Variants in DNAJB12 observed in about 807,000 individuals in gnomAD.
The protein encoded by DNAJB12 is dnaJ homolog subfamily B member 12.
A neutral mutation model predicts 40.6 loss-of-function variants in DNAJB12; 14 were observed. The observed-to-expected ratio is 0.34, with a 90% CI of 0.23 to 0.54. The LOEUF (loss-of-function observed/expected upper bound fraction) is 0.54. DNAJB12 is among the 20% of genes least tolerant of loss of function. The pLI is 0.92. For synonymous variants in DNAJB12, 181 were observed against 199.5 expected, an observed-to-expected ratio of 0.91 and a Z score of 0.78; for missense variants, 444 against 501.7, an observed-to-expected ratio of 0.89 and a Z score of 1.10.
At chr10:72,352,091 C>T (rs988812260) in intron 1 of DNAJB12, among the ~76,000 whole-genome samples, 7 of 152,232 alleles carry the variant, frequency 4.6e-5, no homozygotes, top group Non-Finnish European at 1.0e-4. Context: ...CTCCTATTGG[C>T]TTCCTGCCCT....
rs550063607 is a variant in DNAJB12, at chr10:72,345,012, G to A, written c.249C>T (p.Asn83=). 1.1e-5 allele frequency: 17 copies of A among 1,614,204 alleles called. No homozygotes were observed. The highest frequency in any genetic ancestry group is 2.2e-5 in the East Asian group (1 of 44,880). Residue 83 remains asparagine (N), a synonymous_variant, in exon 2 of 9, where the codon AAC becomes AAT. Coordinates refer to ENST00000444643, the MANE Select transcript of DNAJB12 (RefSeq NM_017626.7). ...TGGTGCTCTCTCCTCCAGCTTCACC[G>A]TTGGCCGAGGGGGCATCGGTCCCAC... The part of the protein sequence containing the change: ...KAGGTDAPSA[N]GEAGGESTKG...
intron 1 of DNAJB12, among the ~76,000 whole-genome samples, chr10:72,350,457 G>A (rs1861908137): frequency 6.8e-6 from 1 of 147,610 alleles, no homozygotes; most frequent in African/African-American, 2.5e-5. Flanking sequence ...ACCTAGCTCT[G>A]CCATTTGCTA....
intron 7 of DNAJB12, 137 bp downstream of exon 7, chr10:72,336,387 G>T: frequency 1.1e-6 from 1 of 915,440 alleles, no homozygotes. Context: ...TCTTGTCTGG[G>T]AGGTGGCTGG....
At chr10:72,353,782 G>A (rs1005648457) in intron 1 of DNAJB12, 2 of 152,200 alleles carry the variant, frequency 1.3e-5, no homozygotes, top group Non-Finnish European at 1.5e-5. Flanking sequence ...TCCCGAGGAG[G>A]AAACCCAAGC....
intron 5 of DNAJB12, among the ~76,000 whole-genome samples, chr10:72,339,318 G>T (rs910184853): frequency 6.6e-6 from 1 of 150,944 alleles, no homozygotes; most frequent in African/African-American, 2.4e-5. Flanking sequence ...GGCAGATCAC[G>T]AGGTCAGGAG....
Position 72,335,025 on chromosome 10 carries a change from C to G in DNAJB12, c.*31-408G>C, listed in dbSNP as rs1013917677. ...AGCAACTCTCATTTCCCCTCCACCCCTCCTGTGCTGAGCGGCTGCGTCTGA... is the reference window on the plus strand; with the variant it reads ...AGCAACTCTCATTTCCCCTCCACCCGTCCTGTGCTGAGCGGCTGCGTCTGA... On this transcript the variant is annotated intron_variant, in intron 8 of 8. Coordinates refer to ENST00000444643, the MANE Select transcript of DNAJB12 (RefSeq NM_017626.7). The surrounding 1 kb of genome is among the most constrained non-coding windows in gnomAD (Gnocchi z 4.4). 31 of 1,045,758 alleles carry G rather than the reference C, an allele frequency of 3.0e-5. No homozygotes were observed. Among genetic ancestry groups the G allele is most frequent in the Non-Finnish European group, 3.5e-5 (30 of 868,616 alleles). 64.8% of individuals were successfully genotyped at this position (1,045,758 alleles called of 1,614,324 possible).
chr10:72,336,755 G>T, intron 6 of DNAJB12, 59 bp from the exon 7 acceptor site: 7 of 1,499,556 alleles, frequency 4.7e-6, no homozygotes, highest in Non-Finnish European at 6.4e-6. Flanking sequence ...GGCACTCTAG[G>T]GGTATGGGCC....
intron 1 of DNAJB12, among the ~76,000 whole-genome samples, chr10:72,350,880 A>T (rs1861918635): frequency 6.6e-6 from 1 of 152,200 alleles, no homozygotes; most frequent in African/African-American, 2.4e-5. Context: ...ACTGACTTGA[A>T]GGGTACAACC....
At chr10:72,338,557 C>T (rs1187837561) in intron 5 of DNAJB12, among the ~76,000 whole-genome samples, 8 of 121,668 alleles carry the variant, frequency 6.6e-5, no homozygotes, top group African/African-American at 2.3e-4. Context: ...GACAGAATGC[C>T]AAAAAAAAAA....
chr10:72,339,103 A>C (rs994340385), intron 5 of DNAJB12, among the ~76,000 whole-genome samples: 2 of 149,676 alleles, frequency 1.3e-5, no homozygotes, highest in African/African-American at 5.1e-5. Context: ...CTATCTCTAC[A>C]AAAAATACAA....
In DNAJB12 at chr10:72,338,258, C is replaced by A; in HGVS notation, c.777G>T (p.Val259=). 6.2e-7 allele frequency: 1 copy of A among 1,614,046 alleles called. No individual in the cohort carries two copies. The highest frequency in any genetic ancestry group is 8.5e-7 in the Non-Finnish European group (1 of 1,180,004). ...AGACCATGAGCTGGCTGAGAGCTGA[C>A]ACGAGAATCAGGATGAGGATAGGCA... ...QLMPILILIL[V]SALSQLMVSS... Residue 259 remains valine, a synonymous_variant, in exon 6 of 9, where the codon GTG becomes GTT. Transcript: ENST00000444643.
chr10:72,341,214 CG>C (rs772316600), intron 3 of DNAJB12, 44 bp from the exon 4 acceptor site: 6 of 1,563,832 alleles, frequency 3.8e-6, no homozygotes, highest in South Asian at 1.1e-5. Flanking sequence ...TCCTGGGGTG[CG>C]GGGGGAGGCT....
chr10:72,344,672 C>T (rs1405550326), intron 2 of DNAJB12, among the ~76,000 whole-genome samples: 1 of 152,222 alleles, frequency 6.6e-6, no homozygotes, highest in Admixed American at 6.5e-5. Flanking sequence ...CCTGCCTGGC[C>T]AGCGGCAGAG....
At chr10:72,340,686 T>G in intron 5 of DNAJB12, 103 bp downstream of exon 5, 1 of 1,178,304 alleles carries the variant, frequency 8.5e-7, no homozygotes, top group Non-Finnish European at 1.2e-6. Flanking sequence ...ACTCTGCTGG[T>G]CCCAGAATGG....
intron 3 of DNAJB12, among the ~76,000 whole-genome samples, 186 bp from the exon 4 acceptor site, chr10:72,341,356 G>C (rs1861635094): frequency 6.6e-6 from 1 of 152,174 alleles, no homozygotes; most frequent in South Asian, 2.1e-4. Flanking sequence ...CAGTGGATCT[G>C]GGCAGCCTGG....
chr10:72,338,098 T>C (rs1027368930), intron 6 of DNAJB12, 104 bp downstream of exon 6: 5 of 949,086 alleles, frequency 5.3e-6, no homozygotes, highest in African/African-American at 1.6e-5. Flanking sequence ...TTCTGCATTA[T>C]GATCGCACAC....
rs1443058118 is a variant in DNAJB12 at position 72,333,351 on chromosome 10, T to A, written c.*1297A>T. On this transcript the variant is annotated 3_prime_UTR_variant, in exon 9 of 9. Transcript: ENST00000444643. ...CCTCCCTCCTCCCACTGGCGGCAAG[T>A]GCTGTTTTAAGCAAAATCCTCATTT... is the stretch of plus-strand genomic sequence containing the variant. 1 of 152,192 alleles carries A rather than the reference T, an allele frequency of 6.6e-6. No individual in the cohort carries two copies. Among genetic ancestry groups the A allele is most frequent in the South Asian group, 2.1e-4 (1 of 4,834 alleles). The allele number at this position is 152,192 out of a possible 1,614,324, so 9.4% of individuals were successfully genotyped here.
Position 72,340,964 on chromosome 10 carries a change from TG to T in DNAJB12, c.643+20del. 1 of 1,611,388 alleles carries T rather than the reference TG, an allele frequency of 6.2e-7. No homozygotes were observed. Among genetic ancestry groups the T allele is most frequent in the African/African-American group, 1.3e-5 (1 of 74,926 alleles). ...CCATCACCCCAGGGATACCTGGCTG[TG>T]GGGAGGGTGGGGAACTTACTAGAAG... On this transcript the variant is annotated intron_variant, in intron 4 of 8. Transcript: ENST00000444643.
chr10:72,344,469 C>T (rs868481771), intron 2 of DNAJB12, among the ~76,000 whole-genome samples: 1 of 152,330 alleles, frequency 6.6e-6, no homozygotes, highest in Middle Eastern at 3.4e-3. Context: ...GGCCTGGTAG[C>T]GAGCTACTCT....
Sources: gnomAD v4.1 joint callset for allele counts (sites outside exome capture counted in the v4.1 genomes callset) on GRCh38, gnomAD v4.1.1 for gene constraint, Gnocchi (gnomAD v3.1) non-coding constraint, MANE v1.5 for transcripts, NCBI Gene and HGNC (gene_info 2026-07-23, HGNC 2026-07-21) for gene names.